Variants in GSE1 observed in about 807,000 individuals in gnomAD.
GSE1 encodes genetic suppressor element 1.
In GSE1, 32 loss-of-function variants were observed where a neutral mutation model predicts 112.6. The ratio of observed to expected loss-of-function variants is 0.28; its 90% CI spans 0.21 to 0.38. The LOEUF is 0.38. Ranked by LOEUF, GSE1 falls within the 10% of genes least tolerant of loss-of-function variation. The probability of loss-of-function intolerance (pLI) is 1.00; values close to 1 mark genes in which losing one functional copy is unlikely to be tolerated. For missense variants in GSE1, 2,348 were observed against 1,699.2 expected (o/e 1.38, Z -6.71); for synonymous variants, 1,115 against 735.6 (o/e 1.52, Z -8.35).
chr16:85,382,498 G>A (rs1395448702), intron 2 of GSE1, among the ~76,000 whole-genome samples: 10 of 152,174 alleles, frequency 6.6e-5, no homozygotes, highest in African/African-American at 2.4e-4. Context: ...GGGACCCTGG[G>A]AAGATGCACG....
intron 1 of GSE1, among the ~76,000 whole-genome samples, chr16:85,294,661 C>CTG (rs1567669655): frequency 4.6e-4 from 53 of 116,018 alleles, no homozygotes; most frequent in African/African-American, 1.7e-3. Context: ...CTCTCTCTGT[C>CTG]TCTCTCTCTC....
chr16:85,417,943 G>A (rs943725132), intron 2 of GSE1, among the ~76,000 whole-genome samples: 2 of 152,216 alleles, frequency 1.3e-5, no homozygotes, highest in Admixed American at 1.3e-4. Flanking sequence ...GAGTTCAAGC[G>A]ATTCTCTGCC....
chr16:85,404,797 CT>C lies in GSE1; in HGVS notation c.2464+47155del, dbSNP rs1295740942. 5.6e-4 allele frequency among the ~76,000 whole-genome samples: 18 copies of C among 32,382 alleles called. 2 individuals are homozygous for C. The highest frequency in any genetic ancestry group is 7.8e-4 in the African/African-American group (4 of 5,104). The allele number at this position is 32,382 out of a possible 152,430, so 21.2% of individuals were successfully genotyped here. A position where few individuals can be genotyped will look rare whatever the true frequency, so the allele number is the denominator to read the frequency against. Reference sequence around the variant, plus strand: ...CCTCACCGTTACACTCAGGGCCCCCCTGGATAATCCTCACTGTTACTCTCAG... The same window carrying C: ...CCTCACCGTTACACTCAGGGCCCCCCGGATAATCCTCACTGTTACTCTCAG... On this transcript the variant is annotated intron_variant, in intron 2 of 2. Coordinates refer to the GSE1 transcript ENST00000637419.
Position 85,672,479 on chromosome 16 carries a change from G to GTGCCT in GSE1, c.3605_3609dup (p.Ala1204CysfsTer11), listed in dbSNP as rs779844781. 8 of 1,612,392 alleles carry GTGCCT rather than the reference G, an allele frequency of 5.0e-6. No homozygotes were observed. Among genetic ancestry groups the GTGCCT allele is most frequent in the South Asian group, 1.1e-5 (1 of 90,882 alleles). On this transcript the variant is annotated frameshift_variant, in exon 16 of 16. Transcript: ENST00000253458. LOFTEE classifies it high-confidence loss of function. ...AGGCAGAACTGGACCACTTACGAAA[G>GTGCCT]TGCCTTGCCTTGCCTGCAATGCACT...
chr16:85,284,507 G>C (rs1161375199), intron 1 of GSE1, among the ~76,000 whole-genome samples: 1 of 152,208 alleles, frequency 6.6e-6, no homozygotes, highest in East Asian at 1.9e-4. Context: ...CCAGGACTCT[G>C]TTATTACAGC....
intron 1 of GSE1, among the ~76,000 whole-genome samples, chr16:85,234,101 C>T (rs537060682): frequency 1.2e-4 from 18 of 152,282 alleles, no homozygotes; most frequent in South Asian, 4.1e-4. Context: ...CCATTGTAGG[C>T]GTCTGGTTCT....
At chr16:85,383,071 ATG>A (rs1347266497) in intron 2 of GSE1, among the ~76,000 whole-genome samples, 1 of 117,944 alleles carries the variant, frequency 8.5e-6, no homozygotes, top group African/African-American at 4.7e-5. Context: ...ACACACACAC[ATG>A]TAATCACAGC....
chr16:85,398,532 T>C (rs1597600607), intron 2 of GSE1, among the ~76,000 whole-genome samples: 2 of 152,106 alleles, frequency 1.3e-5, no homozygotes, highest in East Asian at 1.9e-4. Context: ...TGAGGATAGA[T>C]GGAGGTAAAG....
intron 1 of GSE1, among the ~76,000 whole-genome samples, chr16:85,223,145 C>A (rs1237469404): frequency 6.6e-6 from 1 of 152,034 alleles, no homozygotes; most frequent in Non-Finnish European, 1.5e-5. Flanking sequence ...AGTCTTCAAG[C>A]CTATGGTTAT....
At chr16:85,520,607 G>C (rs2052151002) in intron 2 of GSE1, among the ~76,000 whole-genome samples, 1 of 151,834 alleles carries the variant, frequency 6.6e-6, no homozygotes, top group South Asian at 2.1e-4. Flanking sequence ...TTTTTTAGTA[G>C]AGATGGGGTT....
chr16:85,291,580 A>C (rs1326518558), intron 1 of GSE1, among the ~76,000 whole-genome samples: 10 of 152,144 alleles, frequency 6.6e-5, no homozygotes, highest in Non-Finnish European at 1.3e-4. Context: ...GCTTGTGCGC[A>C]GTGTGTGGCC....
chr16:85,221,719 G>T (rs1396671545), intron 1 of GSE1, among the ~76,000 whole-genome samples: 1 of 152,166 alleles, frequency 6.6e-6, no homozygotes, highest in Non-Finnish European at 1.5e-5. Flanking sequence ...TAAGCCCAGA[G>T]CCAGAGAGGC....
exon 1 of GSE1, chr16:85,170,124 C>CCCAGGG (rs2074334879): frequency 1.0e-6 from 1 of 985,356 alleles, no homozygotes; most frequent in Non-Finnish European, 1.2e-6. Flanking sequence ...AGGACGGGGC[C>CCCAGGG]CCAGGGCCAG....
rs936555511 is a variant in GSE1, at chr16:85,203,260, C to G, written c.2283+31453C>G. On this transcript the variant is annotated intron_variant, in intron 1 of 2. Coordinates refer to the GSE1 transcript ENST00000637419. The stretch of plus-strand genomic sequence containing the variant: ...ACCTAGATGGAGTGATGGCCACCAG[C>G]CCTGCAACAGCTTCGCAGGGCATAG... Among the ~76,000 whole-genome samples, 6 of 152,152 alleles carry G rather than the reference C, an allele frequency of 3.9e-5. No individual in the cohort carries two copies. In the South Asian group the frequency reaches 1.2e-3, roughly 32 times the overall value.
chr16:85,214,111 T>A (rs1367380245), intron 1 of GSE1, among the ~76,000 whole-genome samples: 3 of 152,182 alleles, frequency 2.0e-5, no homozygotes, highest in African/African-American at 7.2e-5. Flanking sequence ...GAAAGAAGAT[T>A]GACATCGTAC....
intron 2 of GSE1, among the ~76,000 whole-genome samples, chr16:85,375,508 G>C (rs901326969): frequency 6.6e-6 from 1 of 152,258 alleles, no homozygotes; most frequent in Non-Finnish European, 1.5e-5. Context: ...GTGCTGGTGG[G>C]GTGCAGGGCA....
At chr16:85,623,993 C>T (rs908906468) in intron 1 of GSE1, among the ~76,000 whole-genome samples, 1 of 152,182 alleles carries the variant, frequency 6.6e-6, no homozygotes, top group African/African-American at 2.4e-5. Context: ...GTCCTTGGAT[C>T]CTCTCTCCCT....
rs886366381 is a variant in GSE1, at chr16:85,673,958, A to ACTGTGACAAG, written c.*1421_*1430dup. 6.6e-6 allele frequency: 1 copy of ACTGTGACAAG among 152,242 alleles called. No homozygotes were observed. Among genetic ancestry groups the ACTGTGACAAG allele is most frequent in the African/African-American group, 2.4e-5 (1 of 41,448 alleles). The allele number at this position is 152,242 out of a possible 1,614,324, so 9.4% of individuals were successfully genotyped here. A position where few individuals can be genotyped will look rare whatever the true frequency, so the allele number is the denominator to read the frequency against. On this transcript the variant is annotated 3_prime_UTR_variant, in exon 16 of 16. Coordinates refer to ENST00000253458, the MANE Select transcript of GSE1 (RefSeq NM_014615.5). The stretch of plus-strand genomic sequence containing the variant: ...AGCTGAACCCCTCCTTTTTGAACTT[A>ACTGTGACAAG]CTGTGACAAGCACAGGAACGGTCAG...
At chr16:85,324,570 A>G (rs1181114127) in intron 1 of GSE1, among the ~76,000 whole-genome samples, 2 of 152,146 alleles carry the variant, frequency 1.3e-5, no homozygotes, top group African/African-American at 4.8e-5. Context: ...AAGCCTGTGC[A>G]CACACGTTCA....
Sources: gnomAD v4.1 joint callset for allele counts (sites outside exome capture counted in the v4.1 genomes callset) on GRCh38, gnomAD v4.1.1 for gene constraint, MANE v1.5 for transcripts, NCBI Gene and HGNC (gene_info 2026-07-23, HGNC 2026-07-21) for gene names.